RAD51B: variants seen among roughly 807,000 people sequenced by gnomAD.
RAD51B encodes the protein DNA repair protein RAD51 homolog 2.
A neutral mutation model predicts 42.2 loss-of-function variants in RAD51B; 38 were observed. The observed-to-expected ratio is 0.90, with a 90% CI of 0.70 to 1.18. The LOEUF is 1.18. RAD51B is among the 50% of genes most tolerant of loss of function. The pLI is 0.00. For missense variants in RAD51B, 373 were observed against 400.7 expected, an observed-to-expected ratio of 0.93 and a Z score of 0.59; for synonymous variants, 154 against 145.2, an observed-to-expected ratio of 1.06 and a Z score of -0.43.
chr14:68,068,162 A>G (rs980826067), intron 7 of RAD51B, among the ~76,000 whole-genome samples: 36 of 152,088 alleles, frequency 2.4e-4, no homozygotes, highest in Non-Finnish European at 4.4e-5. Flanking sequence ...TTCAATGTAC[A>G]ATTTAGTGGT....
chr14:67,977,513 A>G (rs1430482355), intron 7 of RAD51B, among the ~76,000 whole-genome samples: 1 of 152,278 alleles, frequency 6.6e-6, no homozygotes, highest in Non-Finnish European at 1.5e-5. Context: ...GGTATTAAGT[A>G]GCAAGCAATT....
intron 7 of RAD51B, chr14:68,113,686 A>G (rs768969098): frequency 6.6e-6 from 1 of 152,076 alleles, no homozygotes; most frequent in Non-Finnish European, 1.5e-5. Flanking sequence ...TTTTCCATAT[A>G]TGAATGCTCT....
intron 7 of RAD51B, among the ~76,000 whole-genome samples, chr14:68,103,420 G>A (rs1325630925): frequency 6.6e-6 from 1 of 152,082 alleles, no homozygotes. Flanking sequence ...TGAAGAGTAT[G>A]ATGATAAAAA....
Position 68,506,102 on chromosome 14 carries a change from A to G in RAD51B, c.1036+37852A>G, listed in dbSNP as rs139340707. ...CCTGCCACTCAGGCTTTCAGGACAC[A>G]GTGTGCCCCCAGGCAGCCTGGGCCT... On this transcript the variant is annotated intron_variant, in intron 10 of 10. Transcript: ENST00000487270. Among the ~76,000 whole-genome samples, 123 of 152,236 alleles carry G rather than the reference A, an allele frequency of 8.1e-4. 2 individuals are homozygous for G. Among genetic ancestry groups the G allele is most frequent in the Non-Finnish European group, 3.4e-4 (23 of 68,022 alleles).
At chr14:68,659,312 C>G (rs1326262558) in intron 11 of RAD51B, among the ~76,000 whole-genome samples, 4 of 152,182 alleles carry the variant, frequency 2.6e-5, no homozygotes, top group Non-Finnish European at 5.9e-5. Flanking sequence ...GGGAGGGAGT[C>G]ACGCTGGGGA....
chr14:68,470,673 A>G (rs1183115780), intron 10 of RAD51B: 2 of 471,234 alleles, frequency 4.2e-6, no homozygotes, highest in Non-Finnish European at 8.1e-6. Flanking sequence ...AAAATATCAG[A>G]TTATATCACA....
chr14:67,904,435 A>G (rs913961478), intron 7 of RAD51B, among the ~76,000 whole-genome samples: 9 of 151,662 alleles, frequency 5.9e-5, no homozygotes, highest in Admixed American at 5.9e-4. Context: ...TTTTAATAAT[A>G]GCTATTCTGA....
chr14:68,109,867 T>C (rs952018546), intron 7 of RAD51B, among the ~76,000 whole-genome samples: 5 of 152,012 alleles, frequency 3.3e-5, no homozygotes, highest in African/African-American at 1.2e-4. Context: ...TAAGTATCCC[T>C]ACAGTCAATG....
chr14:68,344,022 G>T (rs2082621706), intron 8 of RAD51B, among the ~76,000 whole-genome samples: 2 of 152,280 alleles, frequency 1.3e-5, no homozygotes, highest in South Asian at 2.1e-4. Flanking sequence ...CCAGGCAGTA[G>T]CCTGCTGCAG....
At chr14:67,939,288 A>G (rs913343536) in intron 7 of RAD51B, among the ~76,000 whole-genome samples, 1 of 152,184 alleles carries the variant, frequency 6.6e-6, no homozygotes, top group African/African-American at 2.4e-5. Flanking sequence ...ACATGTAGAT[A>G]CCCAATATGT....
intron 7 of RAD51B, among the ~76,000 whole-genome samples, chr14:67,974,270 C>A (rs1301428139): frequency 6.6e-6 from 1 of 151,946 alleles, no homozygotes; most frequent in African/African-American, 2.4e-5. Context: ...GAGATACTAT[C>A]CAGCAGAGAC....
intron 7 of RAD51B, among the ~76,000 whole-genome samples, chr14:68,126,811 G>A (rs1443885055): frequency 6.6e-6 from 1 of 152,218 alleles, no homozygotes; most frequent in East Asian, 1.9e-4. Flanking sequence ...TATCATGTGT[G>A]AAATATGTGG....
intron 7 of RAD51B, among the ~76,000 whole-genome samples, chr14:68,152,967 G>GTA (rs2078421916): frequency 6.6e-6 from 1 of 152,156 alleles, no homozygotes. Flanking sequence ...ATTCCATAGT[G>GTA]TATATATATC....
chr14:67,906,024 C>T (rs1215820275), intron 7 of RAD51B, among the ~76,000 whole-genome samples: 1 of 152,058 alleles, frequency 6.6e-6, no homozygotes, highest in Non-Finnish European at 1.5e-5. Flanking sequence ...AGGATATTAG[C>T]TGTGGGTTTG....
intron 10 of RAD51B, among the ~76,000 whole-genome samples, chr14:68,536,498 G>A (rs999632871): frequency 6.6e-6 from 1 of 152,162 alleles, no homozygotes; most frequent in African/African-American, 2.4e-5. Flanking sequence ...ATACCTTTCA[G>A]TACCAGCCCA....
intron 7 of RAD51B, among the ~76,000 whole-genome samples, chr14:68,030,166 G>A (rs1468810561): frequency 2.0e-5 from 3 of 152,154 alleles, no homozygotes; most frequent in Non-Finnish European, 4.4e-5. Context: ...TGACAAATGA[G>A]CATTGGTTTC....
intron 7 of RAD51B, among the ~76,000 whole-genome samples, chr14:68,156,601 C>G (rs904194668): frequency 6.6e-6 from 1 of 151,738 alleles, no homozygotes; most frequent in Non-Finnish European, 1.5e-5. Context: ...TAAAAAATTT[C>G]TATGTTTATT....
chr14:68,510,773 A>T (rs2842343), intron 10 of RAD51B, among the ~76,000 whole-genome samples: 1 of 152,194 alleles, frequency 6.6e-6, no homozygotes, highest in Non-Finnish European at 1.5e-5. Flanking sequence ...TCATTATGTT[A>T]TTTGGTTCCT....
At chr14:68,171,906 C>G (rs2078880980) in intron 7 of RAD51B, among the ~76,000 whole-genome samples, 1 of 152,000 alleles carries the variant, frequency 6.6e-6, no homozygotes, top group African/African-American at 2.4e-5. Context: ...AAGGTTTCAC[C>G]ATGTTGGCCA....
Sources: allele counts gnomAD v4.1 joint callset (sites outside exome capture counted in the v4.1 genomes callset), GRCh38; gene constraint gnomAD v4.1.1; transcripts MANE v1.5; gene names NCBI Gene and HGNC (gene_info 2026-07-23, HGNC 2026-07-21).